SINHCAF: variants seen among roughly 807,000 people sequenced by gnomAD.
SINHCAF encodes SIN3-HDAC complex-associated factor.
SINHCAF carries 3 observed loss-of-function variants against 25.8 expected under a neutral mutation model. The ratio of observed to expected loss-of-function variants is 0.12; its 90% CI spans 0.05 to 0.30. SINHCAF has a LOEUF of 0.30. SINHCAF is among the 10% of genes least tolerant of loss of function. The probability of loss-of-function intolerance (pLI) is 1.00; values close to 1 mark genes in which losing one functional copy is unlikely to be tolerated. For synonymous variants in SINHCAF, 70 were observed against 85.5 expected (o/e 0.82, Z 1.00); for missense variants, 121 against 262.3 (o/e 0.46, Z 3.72).
Position 31,284,502 on chromosome 12 carries a change from T to A in SINHCAF, c.507-1631A>T, listed in dbSNP as rs576462826. 1.5e-3 allele frequency among the ~76,000 whole-genome samples: 233 copies of A among 152,208 alleles called. 3 individuals are homozygous for A. The highest frequency in any genetic ancestry group is 2.4e-3 in the Non-Finnish European group (160 of 68,038). ...TGAATTTAAGTTCATAATTATAATG[T>A]AATTAAACCTGGAGGTTTTTTTAAA... On this transcript the variant is annotated intron_variant, in intron 5 of 5. Coordinates refer to ENST00000337682, the MANE Select transcript of SINHCAF (RefSeq NM_001135812.2).
chr12:31,282,603 C>T lies in SINHCAF; in HGVS notation c.*109G>A, dbSNP rs1468863334. The T allele has an allele frequency of 2.1e-6, 2 of 972,572 alleles. No homozygotes were observed. The highest frequency in any genetic ancestry group is 3.0e-6 in the Non-Finnish European group (2 of 674,306). The allele number at this position is 972,572 out of a possible 1,614,324, so 60.2% of individuals were successfully genotyped here. A position where few individuals can be genotyped will look rare whatever the true frequency, so the allele number is the denominator to read the frequency against. On this transcript the variant is annotated 3_prime_UTR_variant, in exon 6 of 6. Transcript: ENST00000337682. ...CGCCACTGCACTCCAGCCTGGGTAA[C>T]AAGAGCAAAACTCCGTCTCAAAAAA...
intron 1 of SINHCAF, among the ~76,000 whole-genome samples, chr12:31,323,324 T>A (rs887028289): frequency 4.6e-5 from 7 of 151,682 alleles, no homozygotes. Flanking sequence ...CGACATAAAA[T>A]TTTAAAAGGC....
At chr12:31,291,292 T>C (rs1295995627) in intron 4 of SINHCAF, among the ~76,000 whole-genome samples, 1 of 152,220 alleles carries the variant, frequency 6.6e-6, no homozygotes, top group East Asian at 1.9e-4. Flanking sequence ...GACGAATTTA[T>C]TTTGTTTTAC....
chr12:31,325,252 G>C lies in SINHCAF; in HGVS notation c.-21+772C>G, dbSNP rs751343994. 4.6e-5 allele frequency: 21 copies of C among 456,758 alleles called. 1 individual carries two copies. The highest frequency in any genetic ancestry group is 3.3e-4 in the South Asian group (21 of 64,560). The allele number at this position is 456,758 out of a possible 1,614,324, so 28.3% of individuals were successfully genotyped here. A position where few individuals can be genotyped will look rare whatever the true frequency, so the allele number is the denominator to read the frequency against. On this transcript the variant is annotated intron_variant, in intron 1 of 5. Transcript: ENST00000337682. This position sits in a 1 kb window ranked among gnomAD's most constrained non-coding sequence, Gnocchi z 5.9. Reference sequence around the variant, plus strand: ...GGGAGCAAAACTTCGGGCTCCGAAAGCACCCCGGACACCAGAGGCTCTTGG... The same window carrying C: ...GGGAGCAAAACTTCGGGCTCCGAAACCACCCCGGACACCAGAGGCTCTTGG...
intron 4 of SINHCAF, among the ~76,000 whole-genome samples, chr12:31,292,548 A>C (rs1938371147): frequency 6.6e-6 from 1 of 151,988 alleles, no homozygotes; most frequent in African/African-American, 2.4e-5. Flanking sequence ...TGGAAGGTAG[A>C]GTTAAATCTT....
At chr12:31,313,810 G>A (rs764797862) in intron 1 of SINHCAF, among the ~76,000 whole-genome samples, 3 of 151,762 alleles carry the variant, frequency 2.0e-5, no homozygotes, top group Non-Finnish European at 4.4e-5. Context: ...CACCTCGCCC[G>A]GCTAATTTTT....
chr12:31,313,352 T>C (rs1357736126), intron 1 of SINHCAF, among the ~76,000 whole-genome samples: 1 of 152,188 alleles, frequency 6.6e-6, no homozygotes, highest in Non-Finnish European at 1.5e-5. Context: ...TTTATTGCAC[T>C]GCAGTGGTAC....
At chr12:31,312,128 T>C (rs1263775833) in intron 1 of SINHCAF, 2 of 422,016 alleles carry the variant, frequency 4.7e-6, no homozygotes, top group Non-Finnish European at 9.2e-6. Flanking sequence ...CATCAATTGG[T>C]TTTTCCTGTT....
chr12:31,305,121 T>C (rs1279187035), intron 1 of SINHCAF: 1 of 152,186 alleles, frequency 6.6e-6, no homozygotes, highest in Non-Finnish European at 1.5e-5. Context: ...CAGGAAGTTG[T>C]GCCTTTTTAA....
At chr12:31,316,554 G>A (rs977126902) in intron 1 of SINHCAF, among the ~76,000 whole-genome samples, 6 of 152,110 alleles carry the variant, frequency 3.9e-5, no homozygotes, top group African/African-American at 1.4e-4. Context: ...AAATTGGGAA[G>A]CCAAAGATCA....
intron 1 of SINHCAF, among the ~76,000 whole-genome samples, chr12:31,309,922 C>T (rs1440054053): frequency 2.0e-5 from 3 of 152,112 alleles, no homozygotes; most frequent in Non-Finnish European, 2.9e-5. Flanking sequence ...CTGCCTCAGC[C>T]TACCAAAGTG....
At chr12:31,321,788 T>TA (rs1939702175) in intron 1 of SINHCAF, among the ~76,000 whole-genome samples, 1 of 152,314 alleles carries the variant, frequency 6.6e-6, no homozygotes, top group East Asian at 1.9e-4. Flanking sequence ...AGCAACCTAC[T>TA]ATGTGCCTGG....
chr12:31,283,926 C>T lies in SINHCAF; in HGVS notation c.507-1055G>A, dbSNP rs1052566988. The stretch of plus-strand genomic sequence containing the variant: ...ATGTATTCTGCAATGTTTTAGTCAA[C>T]GTTGAGATCCATACATATTGTTATA... On this transcript the variant is annotated intron_variant, in intron 5 of 5. Coordinates refer to ENST00000337682, the MANE Select transcript of SINHCAF (RefSeq NM_001135812.2). Among the ~76,000 whole-genome samples the T allele has an allele frequency of 2.7e-5, 4 of 150,576 alleles. 1 individual carries two copies. The highest frequency in any genetic ancestry group is 1.3e-4 in the Admixed American group (2 of 15,116).
At chr12:31,322,426 A>G (rs1355630385) in intron 1 of SINHCAF, among the ~76,000 whole-genome samples, 1 of 152,248 alleles carries the variant, frequency 6.6e-6, no homozygotes, top group African/African-American at 2.4e-5. Flanking sequence ...AAGGAAAGCC[A>G]AAGTTATTAA....
At position 31,280,886 on chromosome 12, in the gene SINHCAF, G is replaced by C. The variant is rs1244951967; in HGVS notation, c.*1826C>G. ...AAAAATCATTTCAAATAACTCAGGA[G>C]GATGATAATGGCTGGACTTTTGTAA... On this transcript the variant is annotated 3_prime_UTR_variant, in exon 6 of 6. Transcript: ENST00000337682. The C allele has an allele frequency of 6.6e-6, 1 of 152,228 alleles. No homozygotes were observed. Among genetic ancestry groups the C allele is most frequent in the Non-Finnish European group, 1.5e-5 (1 of 68,038 alleles). The allele number at this position is 152,228 out of a possible 1,614,324, so 9.4% of individuals were successfully genotyped here. A position where few individuals can be genotyped will look rare whatever the true frequency, so the allele number is the denominator to read the frequency against.
intron 3 of SINHCAF, 140 bp downstream of exon 3, chr12:31,295,094 C>T: frequency 6.6e-6 from 4 of 608,974 alleles, no homozygotes; most frequent in Non-Finnish European, 1.2e-5. Context: ...GCCATTATAT[C>T]TGAACAGCAG....
At position 31,287,803 on chromosome 12, in the gene SINHCAF, G is replaced by GA; in HGVS notation, c.356-20dup. ...TCAGAATCTGCAATAAAGATTAAGA[G>GA]AAAAAATAAAATTTTCAATTTCATT... On this transcript the variant is annotated intron_variant, in intron 4 of 5. Transcript: ENST00000337682. 6.5e-7 allele frequency: 1 copy of GA among 1,548,360 alleles called. No homozygotes were observed. Among genetic ancestry groups the GA allele is most frequent in the Non-Finnish European group, 8.8e-7 (1 of 1,139,964 alleles).
intron 1 of SINHCAF, chr12:31,311,528 A>G (rs1400075574): frequency 8.8e-6 from 2 of 226,810 alleles, no homozygotes; most frequent in Non-Finnish European, 1.7e-5. Context: ...CCGGGCACAC[A>G]CGCTGCTGGT....
intron 1 of SINHCAF, among the ~76,000 whole-genome samples, chr12:31,308,697 T>A (rs1939134708): frequency 6.6e-6 from 1 of 152,070 alleles, no homozygotes; most frequent in Non-Finnish European, 1.5e-5. Flanking sequence ...TTGGGAAAAG[T>A]AAGTGGGGCG....
Sources: allele counts gnomAD v4.1 joint callset (sites outside exome capture counted in the v4.1 genomes callset), GRCh38; gene constraint gnomAD v4.1.1; non-coding constraint Gnocchi (gnomAD v3.1); transcripts MANE v1.5; gene names NCBI Gene and HGNC (gene_info 2026-07-23, HGNC 2026-07-21).